IKBIP: variants seen among roughly 807,000 people sequenced by gnomAD.
The protein encoded by IKBIP is IKBKB interacting protein, also known as inhibitor of nuclear factor kappa-B kinase-interacting protein.
IKBIP carries 28 observed loss-of-function variants against 31.0 expected under a neutral mutation model. That is an observed-to-expected ratio of 0.90 (90% CI 0.67 to 1.24). IKBIP has a LOEUF of 1.24. IKBIP is among the 50% of genes most tolerant of loss of function. IKBIP has a pLI of 0.00. For missense variants in IKBIP, 453 were observed against 441.9 expected (o/e 1.03, Z -0.23); for synonymous variants, 164 against 160.3 (o/e 1.02, Z -0.17).
rs1378776430 is a variant in IKBIP at position 98,626,147 on chromosome 12, T to G, written c.917A>C (p.Asn306Thr). 2 of 1,611,786 alleles carry G rather than the reference T, an allele frequency of 1.2e-6. No individual in the cohort carries two copies. The highest frequency in any genetic ancestry group is 1.1e-5 in the South Asian group (1 of 90,718). Residue 306 changes from asparagine (N) to threonine (T), a missense_variant, in exon 3 of 3, where the codon AAT becomes ACT. Physicochemically the swap from Asn to Thr is moderately conservative, Grantham distance 65. Coordinates refer to ENST00000299157, the MANE Select transcript of IKBIP (RefSeq NM_153687.4). ...TGCTTTCAGCATATCATCTTCCATA[T>G]TAAACATCTGCATAGTCAAGTCTTC... ...KMEDLTMQMF[N>T]MEDDMLKAVS... is the part of the protein sequence containing the mutation.
At chr12:98,634,676 C>G (rs564834799) in intron 1 of IKBIP, among the ~76,000 whole-genome samples, 2 of 151,274 alleles carry the variant, frequency 1.3e-5, no homozygotes, top group South Asian at 4.2e-4. Context: ...CTAGGACTGT[C>G]CATCTCGCTA....
intron 2 of IKBIP, among the ~76,000 whole-genome samples, chr12:98,616,988 A>AT (rs2097606642): frequency 6.6e-6 from 1 of 152,220 alleles, no homozygotes; most frequent in Non-Finnish European, 1.5e-5. Flanking sequence ...CAAATAAGTT[A>AT]TAGCAAATGC....
At chr12:98,644,414 C>T in intron 1 of IKBIP, 109 bp downstream of exon 1, 3 of 1,071,794 alleles carry the variant, frequency 2.8e-6, no homozygotes, top group Non-Finnish European at 3.9e-6. Context: ...GCACAGAAGG[C>T]CCAGGTCTGG....
chr12:98,636,126 T>C (rs1001817005), intron 1 of IKBIP, among the ~76,000 whole-genome samples: 1 of 152,188 alleles, frequency 6.6e-6, no homozygotes, highest in Admixed American at 6.5e-5. Flanking sequence ...GCATATTGAG[T>C]CATCAAAACG....
chr12:98,622,966 A>G (rs995549360), downstream of IKBIP, among the ~76,000 whole-genome samples: 23 of 146,186 alleles, frequency 1.6e-4, 2 homozygotes, highest in African/African-American at 5.8e-4. Context: ...TTAACATTAA[A>G]AAAATTGATC....
rs2097632019 is a variant in IKBIP at position 98,643,011 on chromosome 12, G to C, written c.179+1512C>G. ...TCTGTTGCCCAGGCTGGAGTGCAAT[G>C]GCACGATCCCAGCTCACTGCAACCT... On this transcript the variant is annotated intron_variant, in intron 1 of 2. Coordinates refer to ENST00000299157, the MANE Select transcript of IKBIP (RefSeq NM_153687.4). 5.3e-5 allele frequency among the ~76,000 whole-genome samples: 8 copies of C among 151,784 alleles called. No homozygotes were observed. In the South Asian group the frequency reaches 1.7e-3, roughly 32 times the overall value.
At chr12:98,636,413 G>A (rs1163157001) in intron 1 of IKBIP, among the ~76,000 whole-genome samples, 1 of 152,188 alleles carries the variant, frequency 6.6e-6, no homozygotes, top group Admixed American at 6.5e-5. Flanking sequence ...AAGATCCCAA[G>A]GATTAATGGA....
chr12:98,644,403 G>A (rs2153302015), intron 1 of IKBIP, 120 bp downstream of exon 1: 1 of 938,414 alleles, frequency 1.1e-6, no homozygotes, highest in East Asian at 2.9e-5. Context: ...TCAAGACAGA[G>A]GCACAGAAGG....
chr12:98,625,165 C>A lies in IKBIP; in HGVS notation c.*765G>T. Reference sequence around the variant, plus strand: ...AAACTCATGTCTAACACAGTTGGAACCTAAAACTCAGGTATATAAAGATAT... The same window carrying A: ...AAACTCATGTCTAACACAGTTGGAAACTAAAACTCAGGTATATAAAGATAT... On this transcript the variant is annotated 3_prime_UTR_variant, in exon 3 of 3. Coordinates refer to ENST00000299157, the MANE Select transcript of IKBIP (RefSeq NM_153687.4). 1.0e-6 allele frequency: 1 copy of A among 985,102 alleles called. No individual in the cohort carries two copies. The allele number at this position is 985,102 out of a possible 1,614,324, so 61.0% of individuals were successfully genotyped here. A position where few individuals can be genotyped will look rare whatever the true frequency, so the allele number is the denominator to read the frequency against.
chr12:98,637,383 A>G (rs1289737902), intron 1 of IKBIP, among the ~76,000 whole-genome samples: 2 of 152,004 alleles, frequency 1.3e-5, no homozygotes, highest in Non-Finnish European at 2.9e-5. Flanking sequence ...TAATTCATTT[A>G]ACATTAAAGA....
At chr12:98,643,537 C>G (rs2097633092) in intron 1 of IKBIP, among the ~76,000 whole-genome samples, 1 of 151,752 alleles carries the variant, frequency 6.6e-6, no homozygotes, top group Middle Eastern at 3.2e-3. Flanking sequence ...TGGTTTTTTT[C>G]TTTTTTCTTT....
chr12:98,644,451 T>C, intron 1 of IKBIP, 72 bp downstream of exon 1: 1 of 1,442,458 alleles, frequency 6.9e-7, no homozygotes, highest in Non-Finnish European at 9.3e-7. Flanking sequence ...CGGCTGGATG[T>C]TGAGCCGGGT....
downstream of IKBIP, among the ~76,000 whole-genome samples, chr12:98,621,450 T>C (rs2097610069): frequency 6.6e-6 from 1 of 152,348 alleles, no homozygotes; most frequent in South Asian, 2.1e-4. Flanking sequence ...CTACAGCTTT[T>C]GAGGGACTGA....
At position 98,642,597 on chromosome 12, in the gene IKBIP, TGC is replaced by T. The variant is rs1491220499; in HGVS notation, c.179+1924_179+1925del. Among the ~76,000 whole-genome samples, 73 of 119,094 alleles carry T rather than the reference TGC, an allele frequency of 6.1e-4. 1 individual carries two copies. The East Asian group carries it at 0.017, about 28-fold the overall frequency. 78.1% of individuals were successfully genotyped at this position (119,094 alleles called of 152,430 possible). On this transcript the variant is annotated intron_variant, in intron 1 of 2. Coordinates refer to ENST00000299157, the MANE Select transcript of IKBIP (RefSeq NM_153687.4). ...TATTAGTAAAATAAATAATGCTATC[TGC>T]TTTTTTTTTTTTTTTTTTTGAGAAG... is the stretch of plus-strand genomic sequence containing the variant.
At chr12:98,628,425 A>G in intron 2 of IKBIP, among the ~76,000 whole-genome samples, 1 of 152,194 alleles carries the variant, frequency 6.6e-6, no homozygotes, top group East Asian at 1.9e-4. Context: ...GTTTCCTAAT[A>G]CTTCTAGGAT....
chr12:98,624,652 CAAATA>C lies in IKBIP; in HGVS notation c.*1273_*1277del, dbSNP rs945249493. 5 of 878,394 alleles carry C rather than the reference CAAATA, an allele frequency of 5.7e-6. No individual in the cohort carries two copies. In the African/African-American group the frequency reaches 9.1e-5, roughly 16 times the overall value. 54.4% of individuals were successfully genotyped at this position (878,394 alleles called of 1,614,324 possible). ...TGCAGTTGACTACATTATATAATTT[CAAATA>C]AAATAAAATCAATTCATAAAACAAA... On this transcript the variant is annotated 3_prime_UTR_variant, in exon 3 of 3. Transcript: ENST00000299157.
At chr12:98,613,722 C>G in exon 3 of IKBIP, 1 of 1,612,538 alleles carries the variant, frequency 6.2e-7, no homozygotes, top group South Asian at 1.1e-5. Flanking sequence ...ACCAATCTCC[C>G]AATGCGTAGT....
downstream of IKBIP, chr12:98,624,197 A>G: frequency 1.3e-6 from 1 of 770,850 alleles, no homozygotes; most frequent in Non-Finnish European, 1.6e-6. Context: ...ATATAAGATA[A>G]GAGATCACAT....
intron 2 of IKBIP, among the ~76,000 whole-genome samples, chr12:98,615,837 T>C (rs921570129): frequency 6.6e-6 from 1 of 152,198 alleles, no homozygotes; most frequent in African/African-American, 2.4e-5. Flanking sequence ...GATTTCCTTC[T>C]TTTTAAAGGG....
Sources: allele counts gnomAD v4.1 joint callset (sites outside exome capture counted in the v4.1 genomes callset), GRCh38; gene constraint gnomAD v4.1.1; transcripts MANE v1.5; gene names NCBI Gene and HGNC (gene_info 2026-07-23, HGNC 2026-07-21).